Variants in YAP1 observed in about 807,000 individuals in gnomAD.
YAP1 encodes transcriptional coactivator YAP1.
In YAP1, 5 loss-of-function variants were observed where a neutral mutation model predicts 56.9. That is an observed-to-expected ratio of 0.09 (90% confidence interval 0.05 to 0.18). YAP1 has a LOEUF of 0.18. YAP1 is among the 10% of genes least tolerant of loss of function. The pLI, the probability that YAP1 is intolerant of heterozygous loss-of-function variation, is 1.00. For missense variants in YAP1, 539 were observed against 651.8 expected (o/e 0.83, Z 1.88); for synonymous variants, 265 against 248.1 (o/e 1.07, Z -0.64).
At chr11:102,181,532 T>C (rs79004974) in intron 3 of YAP1, among the ~76,000 whole-genome samples, 2,657 of 152,312 alleles carry the variant, frequency 0.017, 35 homozygotes, top group Middle Eastern at 0.037. Flanking sequence ...CTACTCCTTA[T>C]TTCTATCTGG....
At chr11:102,212,150 T>C (rs1295795767) in intron 6 of YAP1, among the ~76,000 whole-genome samples, 1 of 152,216 alleles carries the variant, frequency 6.6e-6, no homozygotes, top group Non-Finnish European at 1.5e-5. Context: ...GTAAAGTTAC[T>C]GGGTTTTTAA....
intron 1 of YAP1, chr11:102,112,663 C>A: frequency 1.0e-6 from 1 of 985,150 alleles, no homozygotes; most frequent in African/African-American, 1.7e-5. Flanking sequence ...ATCACTTAAC[C>A]TGATGACAAA....
chr11:102,195,819 G>T (rs955722409), intron 4 of YAP1, among the ~76,000 whole-genome samples: 1 of 152,112 alleles, frequency 6.6e-6, no homozygotes, highest in African/African-American at 2.4e-5. Flanking sequence ...TATTAACAGC[G>T]CAAGAACAAA....
intron 6 of YAP1, among the ~76,000 whole-genome samples, chr11:102,211,982 C>T (rs1359215068): frequency 6.6e-6 from 1 of 152,110 alleles, no homozygotes; most frequent in Non-Finnish European, 1.5e-5. Context: ...GTATTACAGG[C>T]GTGAGCCACC....
rs528739900 is a variant in YAP1, at chr11:102,134,408, A to C, written c.572+20014A>C. 2.0e-5 allele frequency among the ~76,000 whole-genome samples: 3 copies of C among 151,434 alleles called. No homozygotes were observed. In the South Asian group the frequency reaches 6.2e-4, roughly 32 times the overall value. ...TTTTTACATCTCAGTATTGTTCTGC[A>C]TATTATTCAGAGGTATGTACTTTGT... On this transcript the variant is annotated intron_variant, in intron 2 of 8. Coordinates refer to ENST00000282441, the MANE Select transcript of YAP1 (RefSeq NM_001130145.3).
intron 2 of YAP1, among the ~76,000 whole-genome samples, chr11:102,143,412 T>A (rs1246322975): frequency 6.6e-6 from 1 of 152,214 alleles, no homozygotes; most frequent in African/African-American, 2.4e-5. Context: ...ATTTTCAGAT[T>A]TAAGATATGA....
intron 2 of YAP1, among the ~76,000 whole-genome samples, chr11:102,116,255 T>G (rs73577845): frequency 0.013 from 1,953 of 152,316 alleles, 46 homozygotes; most frequent in African/African-American, 0.045. Flanking sequence ...CTATTTAGCC[T>G]TTACGTTGTA....
intron 2 of YAP1, among the ~76,000 whole-genome samples, chr11:102,136,768 G>A (rs1254876713): frequency 6.6e-6 from 1 of 152,064 alleles, no homozygotes; most frequent in Non-Finnish European, 1.5e-5. Context: ...TTCCTAGGAC[G>A]ATTTACTGAA....
chr11:102,145,382 AGGAATTCT>A (rs1281640105), intron 2 of YAP1, among the ~76,000 whole-genome samples: 1 of 152,198 alleles, frequency 6.6e-6, no homozygotes. Context: ...GAGTTCATGA[AGGAATTCT>A]GGTATATCAG....
At chr11:102,214,593 G>A (rs1411282016) in intron 6 of YAP1, among the ~76,000 whole-genome samples, 2 of 151,990 alleles carry the variant, frequency 1.3e-5, no homozygotes. Context: ...CTTGTCTAAC[G>A]TTATCTTTCT....
intron 2 of YAP1, among the ~76,000 whole-genome samples, chr11:102,137,751 T>G (rs76832830): frequency 6.7e-6 from 1 of 148,222 alleles, no homozygotes; most frequent in Admixed American, 6.7e-5. Context: ...TCATTGACTT[T>G]TTTTTTTTTT....
intron 2 of YAP1, among the ~76,000 whole-genome samples, chr11:102,135,713 A>G (rs1363580474): frequency 6.6e-6 from 1 of 152,148 alleles, no homozygotes; most frequent in Non-Finnish European, 1.5e-5. Flanking sequence ...ATTAGACTTC[A>G]TTTTTCAATG....
chr11:102,119,951 A>G (rs1401671422), intron 2 of YAP1, among the ~76,000 whole-genome samples: 2 of 152,226 alleles, frequency 1.3e-5, no homozygotes, highest in Non-Finnish European at 2.9e-5. Flanking sequence ...TAATTTAGCC[A>G]TTAATTGTGG....
chr11:102,139,386 G>A (rs1220191543), intron 2 of YAP1, among the ~76,000 whole-genome samples: 2 of 152,108 alleles, frequency 1.3e-5, no homozygotes, highest in African/African-American at 2.4e-5. Flanking sequence ...GAGCAAGTCC[G>A]TGATTGCAGG....
intron 6 of YAP1, among the ~76,000 whole-genome samples, chr11:102,222,112 G>A (rs1351002402): frequency 1.3e-5 from 2 of 152,182 alleles, no homozygotes; most frequent in Non-Finnish European, 2.9e-5. Flanking sequence ...AGAAGTGGCA[G>A]CGTAGAGCTA....
At chr11:102,172,596 A>T (rs903510712) in intron 3 of YAP1, among the ~76,000 whole-genome samples, 3 of 151,596 alleles carry the variant, frequency 2.0e-5, no homozygotes, top group African/African-American at 7.3e-5. Flanking sequence ...CTCTGCCAAG[A>T]CTTCTTTAGG....
intron 2 of YAP1, among the ~76,000 whole-genome samples, chr11:102,150,196 C>T (rs985162855): frequency 1.3e-5 from 2 of 151,900 alleles, no homozygotes; most frequent in African/African-American, 4.8e-5. Flanking sequence ...GTTGGCCAGG[C>T]TGGTCTTGAA....
intron 3 of YAP1, among the ~76,000 whole-genome samples, chr11:102,162,774 G>A (rs1486557314): frequency 6.6e-6 from 1 of 152,136 alleles, no homozygotes; most frequent in African/African-American, 2.4e-5. Flanking sequence ...CGCATAAGGG[G>A]GCCGATAACT....
chr11:102,213,438 A>C (rs1949509017), intron 6 of YAP1, among the ~76,000 whole-genome samples: 1 of 152,130 alleles, frequency 6.6e-6, no homozygotes, highest in Admixed American at 6.5e-5. Context: ...GTGAGCCAAG[A>C]TCGTGGCATT....
Sources: gnomAD v4.1 joint callset for allele counts (sites outside exome capture counted in the v4.1 genomes callset) on GRCh38, gnomAD v4.1.1 for gene constraint, MANE v1.5 for transcripts, NCBI Gene and HGNC (gene_info 2026-07-23, HGNC 2026-07-21) for gene names.